CDH11: variants seen among roughly 807,000 people sequenced by gnomAD.
CDH11 encodes cadherin-11.
In CDH11, 11 loss-of-function variants were observed where a neutral mutation model predicts 67.8. That is an observed-to-expected ratio of 0.16 (90% CI 0.10 to 0.27). The LOEUF (loss-of-function observed/expected upper bound fraction) is 0.27. Among genes scored for constraint, CDH11 ranks in the 10% least tolerant of loss-of-function variants. The pLI is 1.00. For missense variants in CDH11, 847 were observed against 1,031.2 expected, an observed-to-expected ratio of 0.82 and a Z score of 2.45; for synonymous variants, 419 against 400.0, an observed-to-expected ratio of 1.05 and a Z score of -0.57.
chr16:65,022,564 C>A (rs2073449528), intron 2 of CDH11, among the ~76,000 whole-genome samples: 1 of 152,180 alleles, frequency 6.6e-6, no homozygotes, highest in Admixed American at 6.5e-5. Flanking sequence ...AAAATTCCCA[C>A]CTTCTGTAGC....
intron 2 of CDH11, among the ~76,000 whole-genome samples, chr16:65,050,281 G>A (rs763752406): frequency 6.6e-6 from 1 of 152,124 alleles, no homozygotes; most frequent in Non-Finnish European, 1.5e-5. Flanking sequence ...AAGCTCCAGT[G>A]GATTTCACTG....
intron 1 of CDH11, among the ~76,000 whole-genome samples, chr16:65,102,121 C>G (rs569738678): frequency 6.6e-6 from 1 of 152,286 alleles, no homozygotes; most frequent in South Asian, 2.1e-4. Context: ...CAAGTTCACA[C>G]CTCCAAAAAA....
At chr16:65,041,001 T>C (rs2073857390) in intron 2 of CDH11, among the ~76,000 whole-genome samples, 1 of 152,150 alleles carries the variant, frequency 6.6e-6, no homozygotes, top group Non-Finnish European at 1.5e-5. Flanking sequence ...TAGCTACTAT[T>C]TTTAGAACAT....
At chr16:64,952,144 T>C (rs1037984990) in intron 11 of CDH11, among the ~76,000 whole-genome samples, 1 of 152,176 alleles carries the variant, frequency 6.6e-6, no homozygotes. Context: ...AAATAACTGT[T>C]CCTTTTATCA....
At chr16:65,090,213 A>T (rs1431492192) in intron 1 of CDH11, among the ~76,000 whole-genome samples, 3 of 152,016 alleles carry the variant, frequency 2.0e-5, no homozygotes, top group Non-Finnish European at 2.9e-5. Flanking sequence ...AAAAGCTGAA[A>T]TCTAGACCTT....
chr16:65,099,305 A>G (rs904012428), intron 1 of CDH11, among the ~76,000 whole-genome samples: 1 of 152,166 alleles, frequency 6.6e-6, no homozygotes, highest in African/African-American at 2.4e-5. Context: ...TCATCCACTC[A>G]TCTATTCATG....
At chr16:65,054,188 A>G (rs1304360536) in intron 1 of CDH11, among the ~76,000 whole-genome samples, 1 of 152,208 alleles carries the variant, frequency 6.6e-6, no homozygotes, top group Non-Finnish European at 1.5e-5. Flanking sequence ...GCAATCCTAC[A>G]CACAACTTCT....
chr16:65,026,158 C>T (rs749849747), intron 2 of CDH11, among the ~76,000 whole-genome samples: 1 of 152,108 alleles, frequency 6.6e-6, no homozygotes, highest in Non-Finnish European at 1.5e-5. Flanking sequence ...GGTGGGCATG[C>T]CTTTTACTGA....
intron 8 of CDH11, among the ~76,000 whole-genome samples, chr16:64,976,842 G>A (rs1250067852): frequency 1.4e-5 from 2 of 141,732 alleles, no homozygotes; most frequent in East Asian, 2.2e-4. Context: ...AGTGAGACTC[G>A]GTCTCCAAAA....
intron 3 of CDH11, among the ~76,000 whole-genome samples, chr16:65,000,819 A>T (rs545802594): frequency 1.6e-4 from 25 of 151,990 alleles, no homozygotes; most frequent in East Asian, 3.9e-4. Flanking sequence ...AAAAATAAAT[A>T]AATTAATTAA....
intron 2 of CDH11, among the ~76,000 whole-genome samples, chr16:65,023,368 C>T (rs978468078): frequency 1.1e-4 from 16 of 152,146 alleles, no homozygotes; most frequent in Non-Finnish European, 1.9e-4. Flanking sequence ...TTTGGTGTCC[C>T]GATGGGAGTC....
chr16:64,953,661 TA>T (rs1231020736), intron 11 of CDH11, among the ~76,000 whole-genome samples: 1 of 152,226 alleles, frequency 6.6e-6, no homozygotes, highest in Non-Finnish European at 1.5e-5. Flanking sequence ...GCAATTACAA[TA>T]AAAATTACAT....
intron 2 of CDH11, among the ~76,000 whole-genome samples, chr16:65,040,988 C>G (rs907507090): frequency 1.3e-5 from 2 of 152,182 alleles, no homozygotes; most frequent in African/African-American, 4.8e-5. Flanking sequence ...TCATAGCCAT[C>G]AGTAGCTACT....
chr16:65,010,862 G>A (rs750223807), intron 2 of CDH11, among the ~76,000 whole-genome samples: 3 of 151,484 alleles, frequency 2.0e-5, no homozygotes, highest in Non-Finnish European at 4.4e-5. Context: ...TTGGTCAGGT[G>A]CTTGATTTTT....
intron 1 of CDH11, among the ~76,000 whole-genome samples, chr16:65,108,251 A>G (rs1050415815): frequency 3.3e-5 from 5 of 152,172 alleles, no homozygotes; most frequent in Admixed American, 1.3e-4. Flanking sequence ...TCTCCTGATT[A>G]ATGCTCCCAA....
In CDH11 at chr16:65,049,462, T is replaced by C. The variant is rs143338424; in HGVS notation, c.-173+4342A>G. On this transcript the variant is annotated intron_variant, in intron 2 of 12. Transcript: ENST00000268603. ...AGTATCCTCATCTATGAAAGAATCA[T>C]GACCCCTGCGCATAGCAGCCAAAGT... 1.9e-3 allele frequency among the ~76,000 whole-genome samples: 295 copies of C among 152,248 alleles called. 1 individual carries two copies. In the Middle Eastern group the frequency reaches 0.037, roughly 19 times the overall value.
At chr16:65,042,350 G>A (rs1597125570) in intron 2 of CDH11, among the ~76,000 whole-genome samples, 1 of 152,182 alleles carries the variant, frequency 6.6e-6, no homozygotes, top group African/African-American at 2.4e-5. Context: ...TACAGGGTGG[G>A]TGGAGGATAT....
intron 1 of CDH11, among the ~76,000 whole-genome samples, chr16:65,098,163 A>G (rs550644050): frequency 2.6e-5 from 4 of 152,284 alleles, no homozygotes; most frequent in South Asian, 4.1e-4. Flanking sequence ...CTACTGACCA[A>G]TGGGTATCTT....
At chr16:65,057,901 A>G (rs377529779) in intron 1 of CDH11, among the ~76,000 whole-genome samples, 1 of 152,116 alleles carries the variant, frequency 6.6e-6, no homozygotes, top group African/African-American at 2.4e-5. Context: ...GCCTATTCCC[A>G]TGGTGTGTGA....
Sources: gnomAD v4.1 joint callset for allele counts (sites outside exome capture counted in the v4.1 genomes callset) on GRCh38, gnomAD v4.1.1 for gene constraint, MANE v1.5 for transcripts, NCBI Gene and HGNC (gene_info 2026-07-23, HGNC 2026-07-21) for gene names.